Variants in HBP1 observed in about 807,000 individuals in gnomAD.
HBP1 encodes HMG-box transcription factor 1.
In HBP1, 20 loss-of-function variants were observed where a neutral mutation model predicts 62.6. The ratio of observed to expected loss-of-function variants is 0.32; its 90% CI spans 0.22 to 0.46. HBP1 has a LOEUF of 0.46. HBP1 is among the 20% of genes least tolerant of loss of function. The probability of loss-of-function intolerance (pLI) is 1.00; values close to 1 mark genes in which losing one functional copy is unlikely to be tolerated. For synonymous variants in HBP1, 232 were observed against 206.2 expected, an observed-to-expected ratio of 1.12 and a Z score of -1.07; for missense variants, 480 against 611.8, an observed-to-expected ratio of 0.78 and a Z score of 2.27.
At chr7:107,189,878 T>C (rs930677734) in intron 7 of HBP1, 12 of 275,004 alleles carry the variant, frequency 4.4e-5, no homozygotes, top group Non-Finnish European at 6.1e-5. Flanking sequence ...CTTATTGTCA[T>C]TGTAGACTGA....
At chr7:107,186,951 G>A (rs1189019342) in intron 6 of HBP1, among the ~76,000 whole-genome samples, 2 of 152,034 alleles carry the variant, frequency 1.3e-5, no homozygotes, top group African/African-American at 4.8e-5. Context: ...GGGAAAACTG[G>A]TATTAAAAAT....
Position 107,202,160 on chromosome 7 carries a change from A to AGTTT in HBP1, c.*731_*732insTTGT, listed in dbSNP as rs1277575022. On this transcript the variant is annotated 3_prime_UTR_variant, in exon 11 of 11. Coordinates refer to ENST00000222574, the MANE Select transcript of HBP1 (RefSeq NM_012257.4). ...CACTGTAATGGTGCTATTAACAAAC[A>AGTTT]GTCAACACCATTGTATTTTTTAACT... The AGTTT allele has an allele frequency of 2.6e-5, 4 of 152,716 alleles. No individual in the cohort carries two copies. Among genetic ancestry groups the AGTTT allele is most frequent in the African/African-American group, 9.6e-5 (4 of 41,482 alleles). The allele number at this position is 152,716 out of a possible 1,614,324, so 9.5% of individuals were successfully genotyped here. A position where few individuals can be genotyped will look rare whatever the true frequency, so the allele number is the denominator to read the frequency against.
At chr7:107,169,990 A>C in intron 1 of HBP1, 1 of 985,454 alleles carries the variant, frequency 1.0e-6, no homozygotes, top group Non-Finnish European at 1.2e-6. Flanking sequence ...AAACCAGGCG[A>C]AGTGGACAGC....
intron 3 of HBP1, 108 bp downstream of exon 3, chr7:107,182,709 T>TA: frequency 1.6e-6 from 1 of 609,560 alleles, no homozygotes; most frequent in Non-Finnish European, 2.8e-6. Flanking sequence ...TATTAGAATT[T>TA]AAGTCATTAG....
At chr7:107,173,305 GA>G (rs1796691533) in intron 1 of HBP1, among the ~76,000 whole-genome samples, 2 of 152,194 alleles carry the variant, frequency 1.3e-5, no homozygotes, top group South Asian at 4.1e-4. Context: ...ACTGGTTATG[GA>G]AATCCTTCAG....
Position 107,196,108 on chromosome 7 carries a change from TAC to T in HBP1, c.1344_1345del (p.Tyr448Ter). ...TGCCTTCATGCTTTTTGCCAAAAAA[TAC>T]AGAGTTGAATATACTCAGATGTATC... ...MNAFMLFAKKYRVEYTQMYPG... is the reference protein window; with the variant it reads ...MNAFMLFAKKXRVEYTQMYPG... On this transcript the variant is annotated frameshift_variant, in exon 9 of 11. Transcript: ENST00000222574. LOFTEE classifies it high-confidence loss of function. 1 of 1,611,674 alleles carries T rather than the reference TAC, an allele frequency of 6.2e-7. No individual in the cohort carries two copies. Among genetic ancestry groups the T allele is most frequent in the Non-Finnish European group, 8.5e-7 (1 of 1,177,748 alleles).
chr7:107,174,362 A>G, intron 1 of HBP1: 1 of 568,114 alleles, frequency 1.8e-6, no homozygotes, highest in Non-Finnish European at 2.2e-6. Flanking sequence ...ACTTATATTC[A>G]GTAAATATTT....
intron 5 of HBP1, 40 bp from the exon 6 acceptor site, chr7:107,186,529 C>T (rs1421360497): frequency 1.9e-6 from 3 of 1,545,564 alleles, no homozygotes; most frequent in Admixed American, 1.7e-5. Flanking sequence ...TTGTCTAGTA[C>T]AGTCACGTGT....
At chr7:107,199,095 T>C (rs1220316453) in intron 9 of HBP1, among the ~76,000 whole-genome samples, 1 of 152,134 alleles carries the variant, frequency 6.6e-6, no homozygotes, top group Non-Finnish European at 1.5e-5. Context: ...CATTTTATTA[T>C]TTATTTTTGA....
intron 4 of HBP1, 145 bp downstream of exon 4, chr7:107,186,087 T>A (rs1374733852): frequency 1.6e-6 from 1 of 630,410 alleles, no homozygotes; most frequent in Non-Finnish European, 2.7e-6. Context: ...TTAGGAAAGC[T>A]TATTATTAAT....
rs532636996 is a variant in HBP1, at chr7:107,195,628, A to T, written c.1068-206A>T. On this transcript the variant is annotated intron_variant, in intron 8 of 10. Transcript: ENST00000222574. The stretch of plus-strand genomic sequence containing the variant: ...ATTATCTGCAGAGGTTTTTTAAAAA[A>T]ATTAATTTCAGTTAGCACATATACA... 2.6e-5 allele frequency among the ~76,000 whole-genome samples: 4 copies of T among 152,280 alleles called. No homozygotes were observed. The East Asian group carries it at 7.7e-4, about 29-fold the overall frequency.
chr7:107,182,903 T>C (rs969431468), intron 3 of HBP1, among the ~76,000 whole-genome samples: 2 of 152,210 alleles, frequency 1.3e-5, no homozygotes, highest in Non-Finnish European at 2.9e-5. Flanking sequence ...AAAATTGTAT[T>C]TCTCTAAGGA....
rs764498838 is a variant in HBP1 at position 107,189,318 on chromosome 7, G to A, written c.792G>A (p.Leu264=). Reference sequence around the variant, plus strand: ...GCTATGGTTCTGATGGTCTAAAGTTGTTATCACATGAAGAAAGTGTATCAT... The same window carrying A: ...GCTATGGTTCTGATGGTCTAAAGTTATTATCACATGAAGAAAGTGTATCAT... ...HKGYGSDGLK[L]LSHEESVSFG... The change falls in exon 7 of 11, where the codon TTG becomes TTA. Residue 264 remains leucine, a synonymous_variant. Transcript: ENST00000222574. The A allele has an allele frequency of 9.9e-6, 16 of 1,612,862 alleles. No individual in the cohort carries two copies. The highest frequency in any genetic ancestry group is 1.3e-5 in the Non-Finnish European group (15 of 1,179,146).
At chr7:107,176,252 C>G (rs1179302906) in intron 1 of HBP1, among the ~76,000 whole-genome samples, 1 of 152,002 alleles carries the variant, frequency 6.6e-6, no homozygotes, top group Non-Finnish European at 1.5e-5. Flanking sequence ...TCTGGAACTC[C>G]TGACCTCGTG....
At chr7:107,200,100 T>C (rs1265217408) in intron 9 of HBP1, 60 bp from the exon 10 acceptor site, 3 of 1,364,266 alleles carry the variant, frequency 2.2e-6, no homozygotes, top group Non-Finnish European at 3.0e-6. Context: ...GTAGCAGCAC[T>C]TGACATGAGA....
intron 9 of HBP1, among the ~76,000 whole-genome samples, chr7:107,198,658 A>G (rs1219875071): frequency 6.6e-6 from 1 of 150,966 alleles, no homozygotes; most frequent in Non-Finnish European, 1.5e-5. Context: ...CACTGTCTCT[A>G]ATAAAGCTGC....
chr7:107,178,733 A>C (rs1796973563), intron 1 of HBP1, among the ~76,000 whole-genome samples: 2 of 152,224 alleles, frequency 1.3e-5, no homozygotes, highest in Admixed American at 1.3e-4. Flanking sequence ...AATGTTATTT[A>C]GAAAATGTAC....
intron 3 of HBP1, among the ~76,000 whole-genome samples, chr7:107,184,684 G>GTCT: frequency 6.6e-6 from 1 of 152,164 alleles, no homozygotes; most frequent in South Asian, 2.1e-4. Flanking sequence ...CTGGTTTTTT[G>GTCT]TATTTTAAGT....
chr7:107,187,972 T>C (rs532545058), intron 6 of HBP1, among the ~76,000 whole-genome samples: 1 of 152,326 alleles, frequency 6.6e-6, no homozygotes, highest in African/African-American at 2.4e-5. Flanking sequence ...TCCTGTGGAA[T>C]GCACTCTGGA....
Sources: allele counts gnomAD v4.1 joint callset (sites outside exome capture counted in the v4.1 genomes callset), GRCh38; gene constraint gnomAD v4.1.1; transcripts MANE v1.5; gene names NCBI Gene and HGNC (gene_info 2026-07-23, HGNC 2026-07-21).